FARS2: variants seen among roughly 807,000 people sequenced by gnomAD.
The protein encoded by FARS2 is phenylalanine--tRNA ligase, mitochondrial.
In FARS2, 40 loss-of-function variants were observed where a neutral mutation model predicts 46.4. The ratio of observed to expected loss-of-function variants is 0.86; its 90% confidence interval spans 0.67 to 1.12. The LOEUF (loss-of-function observed/expected upper bound fraction) is 1.12. FARS2 is among the 50% of genes most tolerant of loss of function. FARS2 has a pLI of 0.00. For missense variants in FARS2, 513 were observed against 567.9 expected (o/e 0.90, Z 0.98); for synonymous variants, 234 against 214.9 (o/e 1.09, Z -0.78).
chr6:5,350,877 C>G (rs575857853), intron 1 of FARS2, among the ~76,000 whole-genome samples: 1 of 152,242 alleles, frequency 6.6e-6, no homozygotes, highest in Admixed American at 6.5e-5. Flanking sequence ...AAAATAATCC[C>G]CTTCAAAGCT....
chr6:5,595,106 G>C (rs1774124106), intron 5 of FARS2, among the ~76,000 whole-genome samples: 1 of 152,124 alleles, frequency 6.6e-6, no homozygotes, highest in Non-Finnish European at 1.5e-5. Context: ...CTTAATTACT[G>C]CTTTATTAGC....
At chr6:5,709,756 G>A (rs1358690868) in intron 6 of FARS2, among the ~76,000 whole-genome samples, 4 of 151,356 alleles carry the variant, frequency 2.6e-5, no homozygotes, top group African/African-American at 9.7e-5. Context: ...GCGCGCGCGC[G>A]TGTGTGTGTG....
intron 1 of FARS2, among the ~76,000 whole-genome samples, chr6:5,278,239 A>C (rs1026078924): frequency 6.6e-6 from 1 of 152,156 alleles, no homozygotes; most frequent in Non-Finnish European, 1.5e-5. Context: ...AACTGAAATA[A>C]CCTATTCTCT....
chr6:5,455,925 T>C (rs1764825323), intron 4 of FARS2, among the ~76,000 whole-genome samples: 1 of 152,172 alleles, frequency 6.6e-6, no homozygotes, highest in Non-Finnish European at 1.5e-5. Flanking sequence ...TTTGTTCACT[T>C]AACAAACAAG....
chr6:5,589,939 G>A (rs1212595960), intron 5 of FARS2, among the ~76,000 whole-genome samples: 3 of 152,124 alleles, frequency 2.0e-5, no homozygotes, highest in Admixed American at 1.3e-4. Flanking sequence ...AGCAGAGAGC[G>A]TTTCCATCCG....
At chr6:5,263,981 G>A (rs1765371232) in intron 1 of FARS2, among the ~76,000 whole-genome samples, 1 of 152,192 alleles carries the variant, frequency 6.6e-6, no homozygotes, top group Non-Finnish European at 1.5e-5. Flanking sequence ...GGAGGTTGAG[G>A]CAGGTGGATT....
At chr6:5,503,405 C>CAGAG (rs869089548) in intron 4 of FARS2, among the ~76,000 whole-genome samples, 53 of 39,616 alleles carry the variant, frequency 1.3e-3, no homozygotes, top group Non-Finnish European at 1.9e-3. Flanking sequence ...CACACACACA[C>CAGAG]AGAGAGAGAG....
chr6:5,296,496 C>T (rs546550882), intron 1 of FARS2, among the ~76,000 whole-genome samples: 2 of 152,278 alleles, frequency 1.3e-5, no homozygotes, highest in African/African-American at 4.8e-5. Context: ...TTTATGGTCT[C>T]ATGTAACCAT....
At chr6:5,489,390 G>A (rs974029958) in intron 4 of FARS2, among the ~76,000 whole-genome samples, 4 of 152,172 alleles carry the variant, frequency 2.6e-5, no homozygotes, top group Admixed American at 2.0e-4. Context: ...GGAGGCAGAG[G>A]TTGCAGTGAG....
At chr6:5,406,700 T>G (rs753301793) in intron 3 of FARS2, among the ~76,000 whole-genome samples, 1 of 150,618 alleles carries the variant, frequency 6.6e-6, no homozygotes, top group African/African-American at 2.4e-5. Context: ...TCCAGTTTTT[T>G]GCTATTATCA....
chr6:5,320,753 G>A (rs1006588433), intron 1 of FARS2, among the ~76,000 whole-genome samples: 1 of 152,202 alleles, frequency 6.6e-6, no homozygotes, highest in African/African-American at 2.4e-5. Flanking sequence ...AGCATAACAT[G>A]AGTGGCTTTT....
chr6:5,469,343 T>C (rs1765685245), intron 4 of FARS2, among the ~76,000 whole-genome samples: 2 of 152,240 alleles, frequency 1.3e-5, no homozygotes, highest in Non-Finnish European at 2.9e-5. Flanking sequence ...CTGTCTCCCA[T>C]TGTGCGGAGC....
intron 4 of FARS2, among the ~76,000 whole-genome samples, chr6:5,540,704 G>A (rs1770574893): frequency 1.3e-5 from 2 of 152,088 alleles, no homozygotes; most frequent in Admixed American, 1.3e-4. Flanking sequence ...AGGTTTAGAT[G>A]GGGAGAGAAA....
At chr6:5,743,323 C>G (rs950355263) in intron 6 of FARS2, among the ~76,000 whole-genome samples, 3 of 152,132 alleles carry the variant, frequency 2.0e-5, no homozygotes, top group Non-Finnish European at 4.4e-5. Flanking sequence ...CCCACCCCAG[C>G]CCTAACACTG....
rs70974187 is a variant in FARS2, at chr6:5,296,129, CTTTTTTTTTTTTTTTTTTTT to C, written c.-22+34480_-22+34499del. ...CAAACATAAAAATTATCATTTTGGC[CTTTTTTTTTTTTTTTTTTTT>C]TTTTTTTTTTGAGACGAAGTCTAGC... On this transcript the variant is annotated intron_variant, in intron 1 of 6. Transcript: ENST00000274680. Among the ~76,000 whole-genome samples, 20 of 55,074 alleles carry C rather than the reference CTTTTTTTTTTTTTTTTTTTT, an allele frequency of 3.6e-4. 3 individuals are homozygous for C. In the South Asian group the frequency reaches 0.017, roughly 47 times the overall value. The allele number at this position is 55,074 out of a possible 152,430, so 36.1% of individuals were successfully genotyped here.
At chr6:5,528,203 A>G (rs892490800) in intron 4 of FARS2, among the ~76,000 whole-genome samples, 1 of 148,650 alleles carries the variant, frequency 6.7e-6, no homozygotes, top group Non-Finnish European at 1.5e-5. Flanking sequence ...ATTTGTATTT[A>G]AAAAAAAAAG....
intron 5 of FARS2, among the ~76,000 whole-genome samples, chr6:5,591,123 T>G (rs1415014870): frequency 6.6e-6 from 1 of 152,218 alleles, no homozygotes; most frequent in African/African-American, 2.4e-5. Context: ...GAGGGAATCT[T>G]TTGGTGTTAA....
At chr6:5,261,036 G>A, upstream of FARS2, 9 of 869,528 alleles carry the variant, frequency 1.0e-5, no homozygotes, top group Non-Finnish European at 1.3e-5. Context: ...GGACCCAGCA[G>A]CCGCTCCACG....
Position 5,286,473 on chromosome 6 carries a change from G to A in FARS2, c.-22+24813G>A, listed in dbSNP as rs369884368. Among the ~76,000 whole-genome samples, 216 of 152,288 alleles carry A rather than the reference G, an allele frequency of 1.4e-3. 2 individuals are homozygous for A. The highest frequency in any genetic ancestry group is 4.9e-3 in the African/African-American group (202 of 41,552). Reference sequence around the variant, plus strand: ...AGAGGGGGTTTCTACATGTTGCCCAGACTGTTAACTCCTGGGCTGAAGTGA... The same window carrying A: ...AGAGGGGGTTTCTACATGTTGCCCAAACTGTTAACTCCTGGGCTGAAGTGA... On this transcript the variant is annotated intron_variant, in intron 1 of 6. Coordinates refer to ENST00000274680, the MANE Select transcript of FARS2 (RefSeq NM_006567.5).
Sources: allele counts gnomAD v4.1 joint callset (sites outside exome capture counted in the v4.1 genomes callset), GRCh38; gene constraint gnomAD v4.1.1; transcripts MANE v1.5; gene names NCBI Gene and HGNC (gene_info 2026-07-23, HGNC 2026-07-21).